Variants in TCF12 observed in about 807,000 individuals in gnomAD.
TCF12 encodes the protein transcription factor 12.
TCF12 carries 45 observed loss-of-function variants against 86.0 expected under a neutral mutation model. The ratio of observed to expected loss-of-function variants is 0.52; its 90% CI spans 0.41 to 0.67. The LOEUF (loss-of-function observed/expected upper bound fraction) is 0.67, where lower values mean the gene tolerates loss of function less well. TCF12 is among the 30% of genes least tolerant of loss of function. TCF12 has a pLI of 0.00. For missense variants in TCF12, 881 were observed against 859.9 expected (o/e 1.02, Z -0.31); for synonymous variants, 330 against 299.6 (o/e 1.10, Z -1.05).
chr15:57,146,111 T>G (rs2053343818), intron 5 of TCF12, among the ~76,000 whole-genome samples: 1 of 152,198 alleles, frequency 6.6e-6, no homozygotes, highest in African/African-American at 2.4e-5. Context: ...TGTTATTACA[T>G]ATACCCTTTA....
Position 57,252,494 on chromosome 15 carries a change from T to G in TCF12, c.1260+2T>G. 6.2e-7 allele frequency: 1 copy of G among 1,612,868 alleles called. No individual in the cohort carries two copies. Among genetic ancestry groups the G allele is most frequent in the Non-Finnish European group, 8.5e-7 (1 of 1,179,068 alleles). On this transcript the variant is annotated splice_donor_variant, in intron 15 of 20. Coordinates refer to ENST00000333725, the MANE Select transcript of TCF12 (RefSeq NM_207037.2). LOFTEE classifies it high-confidence loss of function. Reference sequence around the variant, plus strand: ...TCCTTCTTAAAGGATGTCTGTGAGGTACTATTTCTTTTAGATGGTGCCTTT... The same window carrying G: ...TCCTTCTTAAAGGATGTCTGTGAGGGACTATTTCTTTTAGATGGTGCCTTT...
intron 18 of TCF12, among the ~76,000 whole-genome samples, chr15:57,263,484 A>G (rs2060686378): frequency 6.6e-6 from 1 of 152,224 alleles, no homozygotes; most frequent in South Asian, 2.1e-4. Context: ...TTTCCTTCAT[A>G]CTATACCATT....
At chr15:57,124,888 A>AGCCAGGGTG (rs3051113) in intron 5 of TCF12, among the ~76,000 whole-genome samples, 3 of 151,816 alleles carry the variant, frequency 2.0e-5, no homozygotes, top group Non-Finnish European at 2.9e-5. Flanking sequence ...TCACCGTGTC[A>AGCCAGGGTG]GTCTTGATCT....
At chr15:57,260,016 C>G (rs2060517474) in intron 16 of TCF12, among the ~76,000 whole-genome samples, 1 of 152,188 alleles carries the variant, frequency 6.6e-6, no homozygotes, top group Non-Finnish European at 1.5e-5. Context: ...TGAAAAACTC[C>G]AGACTTCAAG....
intron 13 of TCF12, chr15:57,248,027 G>C (rs761146970): frequency 1.7e-5 from 12 of 706,164 alleles, no homozygotes; most frequent in Non-Finnish European, 3.1e-5. Flanking sequence ...CAGTTGGGCA[G>C]CGGTTTTACC....
At chr15:57,109,262 G>C (rs987647349) in intron 5 of TCF12, 10 of 152,126 alleles carry the variant, frequency 6.6e-5, no homozygotes, top group African/African-American at 2.4e-4. Flanking sequence ...CTATGCCTCA[G>C]TGTGTGGAGT....
chr15:56,942,179 T>C (rs1442899115), intron 3 of TCF12, among the ~76,000 whole-genome samples: 1 of 152,232 alleles, frequency 6.6e-6, no homozygotes, highest in Admixed American at 6.5e-5. Flanking sequence ...TTTGCATTTA[T>C]TCAGTGATTC....
chr15:57,182,368 T>C (rs1217188533), intron 6 of TCF12, among the ~76,000 whole-genome samples: 1 of 152,140 alleles, frequency 6.6e-6, no homozygotes, highest in Non-Finnish European at 1.5e-5. Context: ...TAGCACTTGA[T>C]TTTTTAATTG....
intron 5 of TCF12, among the ~76,000 whole-genome samples, chr15:57,134,126 CTATAGTTA>C (rs1369702975): frequency 1.3e-5 from 2 of 152,032 alleles, no homozygotes; most frequent in Non-Finnish European, 2.9e-5. Context: ...TTAAAAGATT[CTATAGTTA>C]TATTGGGCGG....
chr15:56,957,412 T>A (rs1401208083), intron 3 of TCF12, among the ~76,000 whole-genome samples: 1 of 152,164 alleles, frequency 6.6e-6, no homozygotes, highest in Non-Finnish European at 1.5e-5. Flanking sequence ...AAAAATTCTG[T>A]TTTCTCTTTT....
intron 3 of TCF12, among the ~76,000 whole-genome samples, chr15:57,051,032 G>A (rs890885042): frequency 2.0e-5 from 3 of 152,138 alleles, no homozygotes; most frequent in Admixed American, 2.0e-4. Context: ...CACCACACAT[G>A]TAGTAATTTT....
intron 5 of TCF12, among the ~76,000 whole-genome samples, chr15:57,103,507 G>T (rs915370385): frequency 6.6e-6 from 1 of 152,088 alleles, no homozygotes; most frequent in South Asian, 2.1e-4. Context: ...AACGCAAATT[G>T]TATAAAGAAA....
intron 5 of TCF12, among the ~76,000 whole-genome samples, chr15:57,138,985 T>C (rs1312268423): frequency 6.6e-6 from 1 of 152,176 alleles, no homozygotes; most frequent in Admixed American, 6.5e-5. Flanking sequence ...CTATTTCAGT[T>C]GAGAACTTGA....
At chr15:57,198,894 G>A (rs148206752) in intron 8 of TCF12, among the ~76,000 whole-genome samples, 33 of 152,322 alleles carry the variant, frequency 2.2e-4, no homozygotes, top group African/African-American at 6.5e-4. Context: ...TATTAAGGCT[G>A]AAGTAGAGAT....
chr15:57,144,761 G>A (rs561451131), intron 5 of TCF12, among the ~76,000 whole-genome samples: 9 of 152,162 alleles, frequency 5.9e-5, no homozygotes, highest in African/African-American at 1.9e-4. Context: ...ATCATGCCCA[G>A]CTAACTTTTT....
chr15:57,204,564 T>C (rs535893470), intron 8 of TCF12, among the ~76,000 whole-genome samples: 2 of 152,310 alleles, frequency 1.3e-5, no homozygotes, highest in East Asian at 1.9e-4. Context: ...AAAATGTGAA[T>C]TTTTAGTCAT....
At chr15:57,010,222 T>C (rs1387968157) in intron 3 of TCF12, among the ~76,000 whole-genome samples, 4 of 152,044 alleles carry the variant, frequency 2.6e-5, no homozygotes, top group Non-Finnish European at 4.4e-5. Flanking sequence ...ATCTAAAATT[T>C]GGACTCAAGT....
chr15:56,957,556 T>C (rs1187943632), intron 3 of TCF12, among the ~76,000 whole-genome samples: 2 of 152,204 alleles, frequency 1.3e-5, no homozygotes, highest in African/African-American at 4.8e-5. Context: ...TTTGCAAGTT[T>C]GATTTGTGTC....
At chr15:56,990,070 C>A (rs1840000829) in intron 3 of TCF12, among the ~76,000 whole-genome samples, 11 of 151,088 alleles carry the variant, frequency 7.3e-5, no homozygotes, top group Admixed American at 7.3e-4. Flanking sequence ...TGTATTAATA[C>A]CTTAAAATGT....
Sources: gnomAD v4.1 joint callset for allele counts (sites outside exome capture counted in the v4.1 genomes callset) on GRCh38, gnomAD v4.1.1 for gene constraint, MANE v1.5 for transcripts, NCBI Gene and HGNC (gene_info 2026-07-23, HGNC 2026-07-21) for gene names.